NTNG2: variants seen among roughly 807,000 people sequenced by gnomAD.
NTNG2 encodes the protein netrin-G2.
NTNG2 carries 15 observed loss-of-function variants against 47.6 expected under a neutral mutation model. That is an observed-to-expected ratio of 0.32 (90% CI 0.21 to 0.49). NTNG2 has a LOEUF of 0.49. Among genes scored for constraint, NTNG2 ranks in the 20% least tolerant of loss-of-function variants. The probability of loss-of-function intolerance (pLI) is 0.99; values close to 1 mark genes in which losing one functional copy is unlikely to be tolerated. For missense variants in NTNG2, 578 were observed against 764.6 expected (o/e 0.76, Z 2.88); for synonymous variants, 307 against 324.6 (o/e 0.95, Z 0.58).
chr9:132,200,380 C>G (rs1368590598), intron 3 of NTNG2, among the ~76,000 whole-genome samples: 1 of 152,188 alleles, frequency 6.6e-6, no homozygotes. Flanking sequence ...TAATTCCTGA[C>G]AAGTGGAAAA....
At position 132,243,591 on chromosome 9, in the gene NTNG2, T is replaced by C. The variant is rs111641477; in HGVS notation, c.*1480T>C. On this transcript the variant is annotated 3_prime_UTR_variant, in exon 8 of 8. Coordinates refer to ENST00000393229, the MANE Select transcript of NTNG2 (RefSeq NM_032536.4). ...GTTTATTTCAGAGCAGTGCCGGGGG[T>C]CCGGTCCTGGTTGCTAACTGCTGCC... 0.011 allele frequency: 1,713 copies of C among 152,396 alleles called. 30 individuals are homozygous for C. Among genetic ancestry groups the C allele is most frequent in the African/African-American group, 0.039 (1,621 of 41,542 alleles). The allele number at this position is 152,396 out of a possible 1,614,324, so 9.4% of individuals were successfully genotyped here.
intron 6 of NTNG2, chr9:132,240,613 C>T: frequency 1.9e-6 from 1 of 517,528 alleles, no homozygotes; most frequent in Non-Finnish European, 3.5e-6. Context: ...GGACAGCGAC[C>T]CCTCTAGTTG....
At chr9:132,207,008 G>A (rs1310447811) in intron 3 of NTNG2, among the ~76,000 whole-genome samples, 1 of 152,258 alleles carries the variant, frequency 6.6e-6, no homozygotes, top group Admixed American at 6.5e-5. Flanking sequence ...GGGGCATCTC[G>A]GCCTTGGCCA....
intron 2 of NTNG2, among the ~76,000 whole-genome samples, chr9:132,193,062 T>G (rs188215639): frequency 6.6e-6 from 1 of 152,288 alleles, no homozygotes; most frequent in African/African-American, 2.4e-5. Context: ...AGGGATACCC[T>G]GTCCCCCGCC....
In NTNG2 at chr9:132,230,674, A is replaced by C; in HGVS notation, c.1054+79A>C. The C allele has an allele frequency of 2.0e-6, 3 of 1,464,026 alleles. No homozygotes were observed. The South Asian group carries it at 3.6e-5, about 18-fold the overall frequency. 90.7% of individuals were successfully genotyped at this position (1,464,026 alleles called of 1,614,324 possible). ...GCATGTCCTGGAAAAAGCTGGAGAG[A>C]AAAAAGGGGCTTCAGTGTCCCCTCT... On this transcript the variant is annotated intron_variant, in intron 5 of 7. Coordinates refer to ENST00000393229, the MANE Select transcript of NTNG2 (RefSeq NM_032536.4).
intron 3 of NTNG2, among the ~76,000 whole-genome samples, chr9:132,210,737 C>T (rs1221639455): frequency 6.6e-6 from 1 of 152,230 alleles, no homozygotes; most frequent in African/African-American, 2.4e-5. Context: ...AGGCCACATC[C>T]AGGCTCATCC....
chr9:132,208,261 T>G lies in NTNG2; in HGVS notation c.857+9652T>G, dbSNP rs893447334. 6.6e-6 allele frequency among the ~76,000 whole-genome samples: 1 copy of G among 151,810 alleles called. No individual in the cohort carries two copies. The highest frequency in any genetic ancestry group is 2.1e-4 in the South Asian group (1 of 4,810). On this transcript the variant is annotated intron_variant, in intron 3 of 7. Transcript: ENST00000393229. The surrounding 1 kb of genome is among the most constrained non-coding windows in gnomAD (Gnocchi z 4.0). ...GCAGGGGGACAGCAGGCAGGACAGG[T>G]GCAGTGCCTTCTAAGGACTCAGTGT...
chr9:132,227,017 C>G lies in NTNG2; in HGVS notation c.1026C>G (p.Asn342Lys). The G allele has an allele frequency of 6.2e-7, 1 of 1,600,454 alleles. No homozygotes were observed. The highest frequency in any genetic ancestry group is 8.5e-7 in the Non-Finnish European group (1 of 1,174,680). Reference protein sequence around the residue: ...SYLPLPHGSPNACATAGSFGN... With the variant: ...SYLPLPHGSPKACATAGSFGN... ...TGCCGCTGCCCCATGGCTCTCCCAA[C>G]GCCTGTACGTGCCATGCCCCGGGGC... is the stretch of plus-strand genomic sequence containing the variant. Residue 342 changes from asparagine (N) to lysine (K), a missense_variant, in exon 4 of 8, where the codon AAC becomes AAG. Coordinates refer to ENST00000393229, the MANE Select transcript of NTNG2 (RefSeq NM_032536.4).
intron 5 of NTNG2, among the ~76,000 whole-genome samples, chr9:132,235,224 AC>A (rs1564444608): frequency 6.6e-6 from 1 of 152,040 alleles, no homozygotes; most frequent in Non-Finnish European, 1.5e-5. Context: ...ACTTCTGGAC[AC>A]ATGTAAGATC....
chr9:132,189,914 G>A (rs1368052408), intron 2 of NTNG2, among the ~76,000 whole-genome samples: 1 of 149,000 alleles, frequency 6.7e-6, no homozygotes, highest in Admixed American at 6.7e-5. Context: ...CTCCCAAAGT[G>A]CTGGGATTAC....
rs1383830393 is a variant in NTNG2 at position 132,197,546 on chromosome 9, A to T, written c.214-420A>T. Among the ~76,000 whole-genome samples, 1 of 152,212 alleles carries T rather than the reference A, an allele frequency of 6.6e-6. No individual in the cohort carries two copies. The highest frequency in any genetic ancestry group is 6.5e-5 in the Admixed American group (1 of 15,282). ...CAGAATGCCATCTGCAAAGGCTCAG[A>T]GGTACAACCAGGCAGGGGCAGGAGG... On this transcript the variant is annotated intron_variant, in intron 2 of 7. Transcript: ENST00000393229. The surrounding 1 kb of genome is among the most constrained non-coding windows in gnomAD (Gnocchi z 4.3).
intron 3 of NTNG2, among the ~76,000 whole-genome samples, chr9:132,213,398 C>A (rs1452728122): frequency 6.6e-6 from 1 of 150,884 alleles, no homozygotes; most frequent in African/African-American, 2.4e-5. Context: ...CCATCACCAA[C>A]CTTGAGGCCG....
intron 3 of NTNG2, among the ~76,000 whole-genome samples, chr9:132,200,301 G>A (rs987737353): frequency 3.3e-4 from 50 of 152,094 alleles, no homozygotes; most frequent in African/African-American, 1.0e-3. Context: ...GCTGCACCTG[G>A]GGAGCCCAGC....
In NTNG2 at chr9:132,162,951, C is replaced by T. The variant is rs946419079; in HGVS notation, c.-484+712C>T. ...GAAGGCGGGAAGAGAGGACCGCGGGCTCGCGGGGTCCGCCCGCTCCGGAGT... is the reference window on the plus strand; with the variant it reads ...GAAGGCGGGAAGAGAGGACCGCGGGTTCGCGGGGTCCGCCCGCTCCGGAGT... On this transcript the variant is annotated intron_variant, in intron 1 of 7. Transcript: ENST00000393229. This position sits in a 1 kb window ranked among gnomAD's most constrained non-coding sequence, Gnocchi z 4.6. Among the ~76,000 whole-genome samples the T allele has an allele frequency of 1.3e-5, 2 of 152,134 alleles. No homozygotes were observed. Among genetic ancestry groups the T allele is most frequent in the Admixed American group, 6.5e-5 (1 of 15,280 alleles).
In NTNG2 at chr9:132,231,026, C is replaced by G. The variant is rs1015865675; in HGVS notation, c.1054+431C>G. ...AGTCAAGAGTGGGGTGACCTTCCCC[C>G]ACCAGGGGCAGAATCCACCCCCTAG... On this transcript the variant is annotated intron_variant, in intron 5 of 7. Transcript: ENST00000393229. This position sits in a 1 kb window ranked among gnomAD's most constrained non-coding sequence, Gnocchi z 4.1. 1.3e-5 allele frequency among the ~76,000 whole-genome samples: 2 copies of G among 152,222 alleles called. No individual in the cohort carries two copies. The highest frequency in any genetic ancestry group is 2.1e-4 in the South Asian group (1 of 4,828).
chr9:132,230,264 G>A (rs933053873), intron 4 of NTNG2, among the ~76,000 whole-genome samples: 8 of 152,212 alleles, frequency 5.3e-5, no homozygotes, highest in African/African-American at 9.7e-5. Flanking sequence ...CCAGTGGAGC[G>A]TTTGGCACCT....
chr9:132,210,611 G>A (rs1454249783), intron 3 of NTNG2, among the ~76,000 whole-genome samples: 1 of 152,198 alleles, frequency 6.6e-6, no homozygotes, highest in Non-Finnish European at 1.5e-5. Flanking sequence ...CTGTGGCCAT[G>A]ACACCCGGCA....
chr9:132,213,331 C>CAAAAAAAA (rs61393543), intron 3 of NTNG2, among the ~76,000 whole-genome samples: 2 of 104,406 alleles, frequency 1.9e-5, no homozygotes, highest in African/African-American at 3.1e-5. Context: ...GACTCCATCT[C>CAAAAAAAA]AAAAAAAAAA....
chr9:132,237,339 G>A (rs1841703685), intron 5 of NTNG2, among the ~76,000 whole-genome samples: 1 of 152,222 alleles, frequency 6.6e-6, no homozygotes, highest in Non-Finnish European at 1.5e-5. Context: ...CTGGCCCAGG[G>A]CGGCTCGGAA....
Sources: allele counts gnomAD v4.1 joint callset (sites outside exome capture counted in the v4.1 genomes callset), GRCh38; gene constraint gnomAD v4.1.1; non-coding constraint Gnocchi (gnomAD v3.1); transcripts MANE v1.5; gene names NCBI Gene and HGNC (gene_info 2026-07-23, HGNC 2026-07-21).